KATNBL1: variants seen among roughly 807,000 people sequenced by gnomAD.
KATNBL1 encodes the protein KATNB1-like protein 1.
A neutral mutation model predicts 44.7 loss-of-function variants in KATNBL1; 28 were observed. The ratio of observed to expected loss-of-function variants is 0.63; its 90% confidence interval spans 0.46 to 0.86. KATNBL1 has a LOEUF of 0.86. Ranked by LOEUF, KATNBL1 falls within the 40% of genes least tolerant of loss-of-function variation. KATNBL1 has a pLI of 0.00. For synonymous variants in KATNBL1, 78 were observed against 114.9 expected (o/e 0.68, Z 2.06); for missense variants, 272 against 350.7 (o/e 0.78, Z 1.79).
At chr15:34,184,565 T>G (rs1268896717) in intron 1 of KATNBL1, among the ~76,000 whole-genome samples, 2 of 75,090 alleles carry the variant, frequency 2.7e-5, no homozygotes, top group African/African-American at 4.8e-5. Context: ...TTCCTGTCTC[T>G]CCTAATGTTT....
At chr15:34,147,601 C>A (rs559182293) in intron 5 of KATNBL1, among the ~76,000 whole-genome samples, 171 bp from the exon 6 acceptor site, 1 of 150,638 alleles carries the variant, frequency 6.6e-6, no homozygotes, top group Non-Finnish European at 1.5e-5. Context: ...GGCTTGTATT[C>A]CAGTGTGTGA....
intron 1 of KATNBL1, among the ~76,000 whole-genome samples, chr15:34,180,685 C>G (rs573589401): frequency 6.6e-6 from 1 of 152,312 alleles, no homozygotes; most frequent in African/African-American, 2.4e-5. Context: ...TTTGAAATGA[C>G]TGGCAAAATT....
chr15:34,192,760 T>C (rs1049308157), intron 1 of KATNBL1, among the ~76,000 whole-genome samples: 1 of 152,108 alleles, frequency 6.6e-6, no homozygotes, highest in Non-Finnish European at 1.5e-5. Context: ...AAATCAGGAA[T>C]AAATATGGAA....
At chr15:34,183,760 T>C (rs564401177) in intron 1 of KATNBL1, among the ~76,000 whole-genome samples, 7 of 152,296 alleles carry the variant, frequency 4.6e-5, no homozygotes, top group Admixed American at 6.5e-5. Flanking sequence ...TTTGGCAGAG[T>C]ACTAACATTA....
chr15:34,147,427 T>C lies in KATNBL1; in HGVS notation c.561A>G (p.Ile187Met). The C allele has an allele frequency of 6.2e-7, 1 of 1,611,622 alleles. No homozygotes were observed. Among genetic ancestry groups the C allele is most frequent in the Non-Finnish European group, 8.5e-7 (1 of 1,177,818 alleles). ...ISELVAYLLR[I>M]EDLGVVVDCL... ...AATCTACCACAACGCCAAGATCTTC[T>C]ATCCTGAGAGTATAAAAAGAATAGC... Residue 187 changes from isoleucine to methionine, a missense_variant, in exon 6 of 10, where the codon ATA becomes ATG. By Grantham distance (10) the Ile-to-Met change is conservative. Around this residue, in one of 3 missense-constraint regions of KATNBL1, gnomAD observed 111 missense variants for 149.3 expected, o/e 0.74. Transcript: ENST00000256544.
At chr15:34,175,101 T>C (rs1889286317) in intron 1 of KATNBL1, among the ~76,000 whole-genome samples, 2 of 133,314 alleles carry the variant, frequency 1.5e-5, no homozygotes, top group African/African-American at 5.6e-5. Flanking sequence ...ATAATACAAA[T>C]GTAAAATAAG....
rs893524141 is a variant in KATNBL1, at chr15:34,143,116, A to G, written c.883-745T>C. 7.8e-5 allele frequency: 60 copies of G among 767,054 alleles called. 1 individual carries two copies. Among genetic ancestry groups the G allele is most frequent in the South Asian group, 1.1e-4 (7 of 62,150 alleles). 47.5% of individuals were successfully genotyped at this position (767,054 alleles called of 1,614,324 possible). A position where few individuals can be genotyped will look rare whatever the true frequency, so the allele number is the denominator to read the frequency against. On this transcript the variant is annotated intron_variant, in intron 9 of 9. Transcript: ENST00000256544. ...TTCGCATTGAACTTTTAATCACTCA[A>G]TATTGTCCCCAATAATAAATGGTAC...
chr15:34,192,863 C>T (rs190216853), intron 1 of KATNBL1, among the ~76,000 whole-genome samples: 2 of 152,206 alleles, frequency 1.3e-5, no homozygotes, highest in Admixed American at 6.5e-5. Flanking sequence ...CAGTATTAAA[C>T]GTTTTTACTT....
At chr15:34,186,630 C>T (rs1207679247) in intron 1 of KATNBL1, among the ~76,000 whole-genome samples, 7 of 152,204 alleles carry the variant, frequency 4.6e-5, no homozygotes, top group East Asian at 1.9e-4. Context: ...AGGACCAGGG[C>T]GTCTCTGCAG....
chr15:34,194,004 C>T (rs8037674), intron 1 of KATNBL1, among the ~76,000 whole-genome samples: 21,009 of 151,998 alleles, frequency 0.14, 1,515 homozygotes, highest in Non-Finnish European at 0.15. Context: ...TGCAGTGGCA[C>T]GATCTCGGCT....
chr15:34,184,560 GTC>G (rs1889663200), intron 1 of KATNBL1, among the ~76,000 whole-genome samples: 1 of 105,614 alleles, frequency 9.5e-6, no homozygotes, highest in African/African-American at 3.5e-5. Flanking sequence ...AATACTTCCT[GTC>G]TCTCCTAATG....
At chr15:34,145,188 C>T (rs1324813402) in intron 9 of KATNBL1, 3 of 1,362,394 alleles carry the variant, frequency 2.2e-6, no homozygotes, top group Admixed American at 4.4e-5. Context: ...AGGGGCTGTA[C>T]ATGAAACATG....
rs115055953 is a variant in KATNBL1 at position 34,195,376 on chromosome 15, A to C, written c.-15+14575T>G. 7.3e-3 allele frequency among the ~76,000 whole-genome samples: 1,111 copies of C among 152,324 alleles called. 14 individuals are homozygous for C. Among genetic ancestry groups the C allele is most frequent in the African/African-American group, 0.026 (1,071 of 41,568 alleles). On this transcript the variant is annotated intron_variant, in intron 1 of 9. Coordinates refer to ENST00000256544, the MANE Select transcript of KATNBL1 (RefSeq NM_024713.3). Reference sequence around the variant, plus strand: ...ACAAATACTGCATGTCCTCACTTATAGTAATGTGTACATATGAAAGCAGTG... The same window carrying C: ...ACAAATACTGCATGTCCTCACTTATCGTAATGTGTACATATGAAAGCAGTG...
intron 1 of KATNBL1, among the ~76,000 whole-genome samples, chr15:34,174,825 C>T (rs1033629211): frequency 3.3e-5 from 5 of 151,912 alleles, no homozygotes; most frequent in African/African-American, 9.7e-5. Flanking sequence ...TATTTTTAGT[C>T]GAGATGGGGT....
At chr15:34,194,408 AGGCCAGCCTG>A in intron 1 of KATNBL1, among the ~76,000 whole-genome samples, 1 of 152,212 alleles carries the variant, frequency 6.6e-6, no homozygotes, top group Non-Finnish European at 1.5e-5. Flanking sequence ...CATGAGTTTG[AGGCCAGCCTG>A]GGCAACATAC....
At chr15:34,142,524 A>G in intron 9 of KATNBL1, 153 bp from the exon 10 acceptor site, 1 of 746,140 alleles carries the variant, frequency 1.3e-6, no homozygotes, top group Non-Finnish European at 2.1e-6. Context: ...TTTTATCTGC[A>G]TTTGTTCAGC....
chr15:34,205,234 C>T (rs1239848297), intron 1 of KATNBL1, among the ~76,000 whole-genome samples: 15 of 152,052 alleles, frequency 9.9e-5, no homozygotes, highest in Admixed American at 8.5e-4. Context: ...CCTTGTGAAC[C>T]GCCCACGTAG....
chr15:34,196,194 G>A (rs190773907), intron 1 of KATNBL1, among the ~76,000 whole-genome samples: 289 of 152,178 alleles, frequency 1.9e-3, no homozygotes, highest in Middle Eastern at 6.9e-3. Flanking sequence ...AAGTGGGATG[G>A]ATCACCTGAG....
At chr15:34,152,058 A>G (rs1366638253) in intron 4 of KATNBL1, among the ~76,000 whole-genome samples, 4 of 150,772 alleles carry the variant, frequency 2.7e-5, no homozygotes, top group Non-Finnish European at 4.4e-5. Flanking sequence ...CTTCTGCCTC[A>G]GCCTCCCAAG....
Sources: gnomAD v4.1 joint callset for allele counts (sites outside exome capture counted in the v4.1 genomes callset) on GRCh38, gnomAD v4.1.1 for gene constraint, gnomAD v4.1.1 regional missense constraint, MANE v1.5 for transcripts, NCBI Gene and HGNC (gene_info 2026-07-23, HGNC 2026-07-21) for gene names.